PCDH11X: variants seen among roughly 807,000 people sequenced by gnomAD.
PCDH11X encodes the protein protocadherin-11 X-linked.
PCDH11X carries 18 observed loss-of-function variants against 53.3 expected under a neutral mutation model. The observed-to-expected ratio is 0.34, with a 90% CI of 0.23 to 0.50. The LOEUF is 0.50. Among genes scored for constraint, PCDH11X ranks in the 20% least tolerant of loss-of-function variants. The pLI is 0.98. For missense variants in PCDH11X, 570 were observed against 1,032.4 expected, an observed-to-expected ratio of 0.55 and a Z score of 6.14; for synonymous variants, 279 against 393.3, an observed-to-expected ratio of 0.71 and a Z score of 3.44.
chrX:92,293,935 A>G (rs1479055840), intron 8 of PCDH11X, among the ~76,000 whole-genome samples: 4 of 109,508 alleles, frequency 3.7e-5, no homozygotes, highest in Non-Finnish European at 7.5e-5. Context: ...AAATAGAAAT[A>G]AAGTAAAAAT....
chrX:92,010,468 G>A (rs1057022157), intron 6 of PCDH11X, among the ~76,000 whole-genome samples: 2 of 110,308 alleles, frequency 1.8e-5, no homozygotes, highest in African/African-American at 6.6e-5. Context: ...CCAATAATAT[G>A]ACTTTTCTAC....
At chrX:91,887,609 A>G (rs940243906) in intron 6 of PCDH11X, among the ~76,000 whole-genome samples, 3 of 112,040 alleles carry the variant, frequency 2.7e-5, no homozygotes, top group African/African-American at 9.7e-5. Flanking sequence ...AAGAATTTTA[A>G]AATTATTTGT....
Position 91,905,524 on chromosome X carries a change from T to C in PCDH11X, c.3033+26251T>C, listed in dbSNP as rs189439368. Among the ~76,000 whole-genome samples the C allele has an allele frequency of 4.9e-3, 544 of 111,607 alleles. 1 individual carries two copies. The highest frequency in any genetic ancestry group is 8.7e-3 in the Non-Finnish European group (462 of 53,108). ...TAACGGATAATCTATCATTATTAAA[T>C]GCTTTTCTCTTTTTCATATAATAAT... is the stretch of plus-strand genomic sequence containing the variant. On this transcript the variant is annotated intron_variant, in intron 6 of 10. Coordinates refer to ENST00000682573, the MANE Select transcript of PCDH11X (RefSeq NM_032968.5).
intron 8 of PCDH11X, among the ~76,000 whole-genome samples, chrX:92,358,164 A>G (rs1218216919): frequency 3.8e-5 from 4 of 104,383 alleles, no homozygotes; most frequent in African/African-American, 1.4e-4. Context: ...TCTGGAATGG[A>G]TTCCATAGCT....
At chrX:92,160,156 C>T (rs2759801) in intron 6 of PCDH11X, among the ~76,000 whole-genome samples, 1 of 102,984 alleles carries the variant, frequency 9.7e-6, no homozygotes, top group African/African-American at 3.6e-5. Context: ...TGTTTTTTTT[C>T]TTTTTTTTTT....
chrX:91,899,731 A>C (rs1432515236), intron 6 of PCDH11X, among the ~76,000 whole-genome samples: 1 of 111,397 alleles, frequency 9.0e-6, no homozygotes, highest in Non-Finnish European at 1.9e-5. Context: ...AATGACTCTT[A>C]TGTCACATGA....
chrX:92,148,060 TTCTTTCTTTCTTTC>T (rs2065335689), intron 6 of PCDH11X, among the ~76,000 whole-genome samples: 1 of 4,864 alleles, frequency 2.1e-4, no homozygotes, highest in Non-Finnish European at 3.3e-4. Context: ...CTTCCTTCCT[TTCTTTCTTTCTTTC>T]TTTCTTTCTT....
Position 92,273,040 on chromosome X carries a change from T to C in PCDH11X, c.3144+9897T>C, listed in dbSNP as rs749919979. Among the ~76,000 whole-genome samples the C allele has an allele frequency of 9.8e-5, 11 of 112,137 alleles. No homozygotes were observed. In the Admixed American group the frequency reaches 1.0e-3, roughly 11 times the overall value. ...TAGATATATTATTTTCTTGTTTATG[T>C]TTGTGTTTTGCAGCATTTATATATT... On this transcript the variant is annotated intron_variant, in intron 8 of 10. Coordinates refer to ENST00000682573, the MANE Select transcript of PCDH11X (RefSeq NM_032968.5).
chrX:92,081,829 T>G (rs1421942446), intron 6 of PCDH11X, among the ~76,000 whole-genome samples: 2 of 111,466 alleles, frequency 1.8e-5, no homozygotes, highest in Non-Finnish European at 1.9e-5. Flanking sequence ...GCCATGATGA[T>G]TATATGATGG....
Position 91,938,451 on chromosome X carries a change from A to G in PCDH11X, c.3033+59178A>G, listed in dbSNP as rs776561937. 6.3e-3 allele frequency among the ~76,000 whole-genome samples: 671 copies of G among 106,761 alleles called. 4 individuals are homozygous for G. The highest frequency in any genetic ancestry group is 0.021 in the African/African-American group (615 of 29,398). The allele number at this position is 106,761 out of a possible 115,157, so 92.7% of individuals were successfully genotyped here. On this transcript the variant is annotated intron_variant, in intron 6 of 10. Coordinates refer to ENST00000682573, the MANE Select transcript of PCDH11X (RefSeq NM_032968.5). Reference sequence around the variant, plus strand: ...GAGTTGCCAGAACACAATGCAGAGAAAGATAATCCAGGTGGAGCCTGAATA... The same window carrying G: ...GAGTTGCCAGAACACAATGCAGAGAGAGATAATCCAGGTGGAGCCTGAATA...
intron 9 of PCDH11X, among the ~76,000 whole-genome samples, chrX:92,403,328 C>CTT (rs1569481407): frequency 1.8e-5 from 1 of 54,927 alleles, no homozygotes; most frequent in African/African-American, 1.1e-4. Flanking sequence ...CGGGCATTTA[C>CTT]GTTTTTTTTT....
At chrX:92,105,816 T>C (rs1196883741) in intron 6 of PCDH11X, among the ~76,000 whole-genome samples, 2 of 111,040 alleles carry the variant, frequency 1.8e-5, no homozygotes, top group Non-Finnish European at 3.8e-5. Context: ...GGGCAGGGCA[T>C]ATTCACTTCT....
chrX:92,097,453 G>A (rs941575592), intron 6 of PCDH11X, among the ~76,000 whole-genome samples: 2 of 108,950 alleles, frequency 1.8e-5, no homozygotes, highest in Non-Finnish European at 3.8e-5. Flanking sequence ...GGAAAGATGC[G>A]GGGAAATATA....
chrX:92,103,494 G>A (rs1482935351), intron 6 of PCDH11X, among the ~76,000 whole-genome samples: 3 of 111,326 alleles, frequency 2.7e-5, no homozygotes, highest in Non-Finnish European at 1.9e-5. Context: ...GAGGCGATCG[G>A]GCAGCATCAG....
intron 6 of PCDH11X, among the ~76,000 whole-genome samples, chrX:91,946,695 A>C (rs2061580476): frequency 2.1e-5 from 2 of 96,163 alleles, no homozygotes; most frequent in Middle Eastern, 5.4e-3. Flanking sequence ...ATTTAGCAGT[A>C]ATTTGCATCT....
chrX:92,102,047 A>G (rs1390826070), intron 6 of PCDH11X, among the ~76,000 whole-genome samples: 6 of 110,731 alleles, frequency 5.4e-5, no homozygotes, highest in Admixed American at 1.9e-4. Context: ...AATATGGGGA[A>G]ATGGGGTGAA....
chrX:92,253,270 C>A (rs1412793919), intron 7 of PCDH11X, among the ~76,000 whole-genome samples: 5 of 111,440 alleles, frequency 4.5e-5, no homozygotes, highest in African/African-American at 1.3e-4. Flanking sequence ...GGATTTGTTT[C>A]TGGGTTCTCC....
At chrX:92,094,439 A>G (rs1456195856) in intron 6 of PCDH11X, among the ~76,000 whole-genome samples, 2 of 110,843 alleles carry the variant, frequency 1.8e-5, no homozygotes, top group Admixed American at 9.8e-5. Flanking sequence ...CTTATGCCCT[A>G]TGATATGCAG....
intron 10 of PCDH11X, among the ~76,000 whole-genome samples, chrX:92,487,210 G>A (rs1407946557): frequency 4.8e-5 from 5 of 103,236 alleles, no homozygotes; most frequent in African/African-American, 6.9e-5. Flanking sequence ...GCACCACTAC[G>A]CCTGGCTAAT....
Sources: gnomAD v4.1 joint callset for allele counts (sites outside exome capture counted in the v4.1 genomes callset) on GRCh38, gnomAD v4.1.1 for gene constraint, MANE v1.5 for transcripts, NCBI Gene and HGNC (gene_info 2026-07-23, HGNC 2026-07-21) for gene names.